Variants in CHN1 observed in about 807,000 individuals in gnomAD.
The protein encoded by CHN1 is chimerin 1.
Under a neutral mutation model 59.5 loss-of-function variants are expected in CHN1, and 37 were observed. That is an observed-to-expected ratio of 0.62 (90% CI 0.48 to 0.82). The LOEUF is 0.82. CHN1 is among the 40% of genes least tolerant of loss of function. The probability of loss-of-function intolerance (pLI) is 0.00; values close to 1 mark genes in which losing one functional copy is unlikely to be tolerated. For synonymous variants in CHN1, 206 were observed against 200.4 expected (o/e 1.03, Z -0.24); for missense variants, 469 against 571.0 (o/e 0.82, Z 1.82).
intron 8 of CHN1, among the ~76,000 whole-genome samples, chr2:174,819,935 A>G (rs1165355587): frequency 1.3e-5 from 2 of 149,934 alleles, no homozygotes; most frequent in Non-Finnish European, 3.0e-5. Context: ...TGTCCTTGCG[A>G]TAGTTTACTG....
intron 1 of CHN1, among the ~76,000 whole-genome samples, chr2:174,963,982 G>A (rs1690509466): frequency 6.6e-6 from 1 of 152,160 alleles, no homozygotes; most frequent in Non-Finnish European, 1.5e-5. Flanking sequence ...GAAAGAAAAA[G>A]ATGAGATCAA....
chr2:174,979,151 C>T (rs1332327340), intron 1 of CHN1, among the ~76,000 whole-genome samples: 1 of 152,144 alleles, frequency 6.6e-6, no homozygotes, highest in Non-Finnish European at 1.5e-5. Context: ...CAAGTCGAGG[C>T]ATCATCATTT....
chr2:174,974,896 A>ACAC (rs1559005611), intron 1 of CHN1, among the ~76,000 whole-genome samples: 19,298 of 100,564 alleles, frequency 0.19, 1,645 homozygotes, highest in Middle Eastern at 0.25. Context: ...AGAAATAATT[A>ACAC]ATACACACAC....
intron 1 of CHN1, among the ~76,000 whole-genome samples, chr2:174,965,519 C>T (rs1248937185): frequency 6.6e-6 from 1 of 152,082 alleles, no homozygotes; most frequent in Admixed American, 6.6e-5. Flanking sequence ...TCAAAAAGGA[C>T]TATATTGCAT....
chr2:174,867,330 T>C (rs1687251570), intron 6 of CHN1, among the ~76,000 whole-genome samples: 3 of 151,820 alleles, frequency 2.0e-5, no homozygotes, highest in South Asian at 2.1e-4. Flanking sequence ...TGAGCCGAGA[T>C]TGTGTCAAAC....
chr2:174,980,427 CA>C (rs1210829241), intron 1 of CHN1, among the ~76,000 whole-genome samples: 1 of 152,166 alleles, frequency 6.6e-6, no homozygotes, highest in Non-Finnish European at 1.5e-5. Flanking sequence ...CTCCTCAGAA[CA>C]TAAAAATACC....
chr2:174,948,879 C>G (rs1689928488), intron 2 of CHN1, among the ~76,000 whole-genome samples: 2 of 152,136 alleles, frequency 1.3e-5, no homozygotes, highest in Admixed American at 1.3e-4. Context: ...AGTCACATCA[C>G]AGAGATGCTG....
chr2:174,879,650 A>G (rs1687674348), intron 5 of CHN1, among the ~76,000 whole-genome samples: 2 of 152,174 alleles, frequency 1.3e-5, no homozygotes, highest in South Asian at 2.1e-4. Context: ...TTTTTCTAAT[A>G]TACATTATCT....
chr2:174,967,732 C>T (rs182337769), intron 1 of CHN1, among the ~76,000 whole-genome samples: 44 of 152,330 alleles, frequency 2.9e-4, no homozygotes, highest in African/African-American at 1.0e-3. Context: ...ATAACCCTCA[C>T]CTCCTTCAGC....
At chr2:174,958,537 G>T (rs1435346434) in intron 1 of CHN1, among the ~76,000 whole-genome samples, 3 of 152,210 alleles carry the variant, frequency 2.0e-5, no homozygotes, top group Non-Finnish European at 4.4e-5. Context: ...TGACTTTGGA[G>T]AAGGTGAGAA....
At chr2:174,981,961 G>A (rs1337138908) in intron 1 of CHN1, among the ~76,000 whole-genome samples, 12 of 152,046 alleles carry the variant, frequency 7.9e-5, no homozygotes, top group Non-Finnish European at 1.5e-4. Context: ...CCCACCCCAC[G>A]ACAGGCCCCG....
intron 5 of CHN1, among the ~76,000 whole-genome samples, chr2:174,891,476 A>T (rs1688047703): frequency 6.6e-6 from 1 of 151,482 alleles, no homozygotes; most frequent in Admixed American, 6.6e-5. Context: ...AGGCTGAGGT[A>T]CAGAATTGCT....
At chr2:174,880,897 T>C (rs991408866) in intron 5 of CHN1, among the ~76,000 whole-genome samples, 2 of 151,858 alleles carry the variant, frequency 1.3e-5, no homozygotes, top group African/African-American at 4.8e-5. Flanking sequence ...AAATACAAAA[T>C]TAGCTGGGCG....
chr2:174,990,987 T>C (rs992553473), intron 1 of CHN1, among the ~76,000 whole-genome samples: 14 of 152,318 alleles, frequency 9.2e-5, no homozygotes, highest in Middle Eastern at 3.4e-3. Flanking sequence ...CAGAATTAAA[T>C]ATTATAATAA....
At chr2:174,846,787 A>G in intron 7 of CHN1, 93 bp downstream of exon 7, 1 of 1,227,910 alleles carries the variant, frequency 8.1e-7, no homozygotes, top group Non-Finnish European at 1.1e-6. Flanking sequence ...TAGTCAAGTC[A>G]TCCTAGTTTT....
chr2:174,933,370 T>G (rs781189778), intron 3 of CHN1, among the ~76,000 whole-genome samples: 6 of 151,722 alleles, frequency 4.0e-5, no homozygotes, highest in Non-Finnish European at 7.4e-5. Flanking sequence ...AAATAGACTG[T>G]GGGGGCAAAA....
chr2:174,870,352 AAG>A (rs1318769946), intron 6 of CHN1, among the ~76,000 whole-genome samples: 2 of 152,174 alleles, frequency 1.3e-5, no homozygotes, highest in Non-Finnish European at 2.9e-5. Flanking sequence ...GAGGCCCCCA[AAG>A]AGTTAGGGAC....
chr2:174,858,330 A>G (rs1686968131), intron 6 of CHN1, among the ~76,000 whole-genome samples: 3 of 152,204 alleles, frequency 2.0e-5, no homozygotes, highest in South Asian at 4.1e-4. Flanking sequence ...AGAGATATAT[A>G]TTGATTCATG....
chr2:174,925,565 T>C (rs1401929662), intron 3 of CHN1, among the ~76,000 whole-genome samples: 1 of 152,312 alleles, frequency 6.6e-6, no homozygotes, highest in East Asian at 1.9e-4. Context: ...AAGAGACATT[T>C]ACCATCTTTT....
Sources: allele counts gnomAD v4.1 joint callset (sites outside exome capture counted in the v4.1 genomes callset), GRCh38; gene constraint gnomAD v4.1.1; transcripts MANE v1.5; gene names NCBI Gene and HGNC (gene_info 2026-07-23, HGNC 2026-07-21).